Variants in HIVEP3 observed in about 807,000 individuals in gnomAD.
HIVEP3 encodes transcription factor HIVEP3.
HIVEP3 carries 49 observed loss-of-function variants against 152.8 expected under a neutral mutation model. That is an observed-to-expected ratio of 0.32 (90% CI 0.26 to 0.41). The LOEUF (loss-of-function observed/expected upper bound fraction) is 0.41, where lower values mean the gene tolerates loss of function less well. Among genes scored for constraint, HIVEP3 ranks in the 10% least tolerant of loss-of-function variants. The probability of loss-of-function intolerance (pLI) is 1.00; values close to 1 mark genes in which losing one functional copy is unlikely to be tolerated. For synonymous variants in HIVEP3, 1,269 were observed against 1,289.0 expected (o/e 0.98, Z 0.33); for missense variants, 2,790 against 3,103.3 (o/e 0.90, Z 2.40).
intron 1 of HIVEP3, among the ~76,000 whole-genome samples, chr1:41,990,460 A>G (rs1570872835): frequency 6.7e-6 from 1 of 148,464 alleles, no homozygotes; most frequent in East Asian, 2.0e-4. Flanking sequence ...ACTATCCTAA[A>G]TATATATGCA....
At chr1:41,963,524 G>T (rs186652038) in intron 1 of HIVEP3, among the ~76,000 whole-genome samples, 3 of 151,234 alleles carry the variant, frequency 2.0e-5, no homozygotes, top group Admixed American at 6.6e-5. Flanking sequence ...GTTGTGGGGT[G>T]GGGGGAGCGG....
chr1:41,699,652 C>T (rs571956332), intron 2 of HIVEP3, among the ~76,000 whole-genome samples: 12 of 152,124 alleles, frequency 7.9e-5, no homozygotes, highest in Admixed American at 3.3e-4. Flanking sequence ...GATGGGGCCC[C>T]GGGGACCTGA....
chr1:41,848,641 C>T (rs1408417023), intron 1 of HIVEP3, among the ~76,000 whole-genome samples: 1 of 152,116 alleles, frequency 6.6e-6, no homozygotes, highest in Non-Finnish European at 1.5e-5. Context: ...AGGAATGGCC[C>T]AACATCCTCA....
intron 2 of HIVEP3, among the ~76,000 whole-genome samples, chr1:41,671,475 T>C (rs999716753): frequency 2.0e-5 from 3 of 152,200 alleles, no homozygotes; most frequent in African/African-American, 4.8e-5. Context: ...AGCTGACCAA[T>C]AGGCCCTGCC....
At chr1:41,824,786 GA>G (rs1642738405) in intron 1 of HIVEP3, among the ~76,000 whole-genome samples, 1 of 14,858 alleles carries the variant, frequency 6.7e-5, no homozygotes, top group Non-Finnish European at 1.5e-4. Flanking sequence ...TATATATATA[GA>G]GAGAGAGAGA....
At chr1:41,877,841 C>G (rs1644195018) in intron 1 of HIVEP3, among the ~76,000 whole-genome samples, 1 of 152,144 alleles carries the variant, frequency 6.6e-6, no homozygotes, top group African/African-American at 2.4e-5. Flanking sequence ...TTTCTGACTA[C>G]AGACTCAACA....
At chr1:41,870,217 G>A (rs1644054419) in intron 1 of HIVEP3, among the ~76,000 whole-genome samples, 1 of 151,956 alleles carries the variant, frequency 6.6e-6, no homozygotes, top group Non-Finnish European at 1.5e-5. Context: ...TCATGCCTCA[G>A]ACCTTAGCTG....
chr1:41,570,773 A>T (rs940170341), intron 5 of HIVEP3, among the ~76,000 whole-genome samples: 1 of 152,198 alleles, frequency 6.6e-6, no homozygotes, highest in Admixed American at 6.5e-5. Context: ...GGTGAGGGTC[A>T]TCATTGACTT....
At chr1:41,617,680 C>A (rs550334167) in intron 3 of HIVEP3, among the ~76,000 whole-genome samples, 1 of 152,238 alleles carries the variant, frequency 6.6e-6, no homozygotes, top group Non-Finnish European at 1.5e-5. Flanking sequence ...CCATGATGCA[C>A]GGGAGAGAAC....
intron 3 of HIVEP3, among the ~76,000 whole-genome samples, chr1:41,611,411 G>C (rs1644894787): frequency 6.6e-6 from 1 of 152,240 alleles, no homozygotes; most frequent in Non-Finnish European, 1.5e-5. Flanking sequence ...GATGGGGACA[G>C]AGCGCCATGT....
intron 1 of HIVEP3, 83 bp from the exon 2 acceptor site, chr1:41,701,078 T>C: frequency 1.8e-6 from 1 of 545,866 alleles, no homozygotes; most frequent in Non-Finnish European, 2.3e-6. Context: ...CACCCAAAAA[T>C]GGTGAGCACA....
Position 41,602,922 on chromosome 1 carries a change from C to T in HIVEP3, c.-521-17604G>A, listed in dbSNP as rs916989550. ...TTTTGGTATGTTGTGTTTTTGTTTT[C>T]ATTTCTCTTGAGGTATTTTCTAATT... On this transcript the variant is annotated intron_variant, in intron 3 of 8. Coordinates refer to ENST00000372583, the MANE Select transcript of HIVEP3 (RefSeq NM_024503.5). Among the ~76,000 whole-genome samples the T allele has an allele frequency of 6.6e-5, 10 of 151,936 alleles. No individual in the cohort carries two copies. The East Asian group carries it at 1.9e-3, about 29-fold the overall frequency.
intron 1 of HIVEP3, among the ~76,000 whole-genome samples, chr1:41,868,503 C>A (rs1433800991): frequency 6.6e-6 from 1 of 152,180 alleles, no homozygotes; most frequent in Non-Finnish European, 1.5e-5. Context: ...AACAGATACA[C>A]CCCTGGAGAC....
intron 1 of HIVEP3, among the ~76,000 whole-genome samples, chr1:41,809,710 C>T (rs892630151): frequency 6.6e-6 from 1 of 152,194 alleles, no homozygotes; most frequent in Non-Finnish European, 1.5e-5. Context: ...ATGATCTAGG[C>T]CATATGGTTG....
chr1:41,523,279 C>T (rs1181046868), intron 6 of HIVEP3, among the ~76,000 whole-genome samples: 1 of 152,182 alleles, frequency 6.6e-6, no homozygotes, highest in Non-Finnish European at 1.5e-5. Flanking sequence ...AAGACACCTT[C>T]GAAGCACCCA....
chr1:41,536,606 C>T (rs1364309601), intron 5 of HIVEP3, among the ~76,000 whole-genome samples: 1 of 152,056 alleles, frequency 6.6e-6, no homozygotes, highest in Non-Finnish European at 1.5e-5. Context: ...AGGGCATATC[C>T]CTCTCTGAAG....
chr1:41,829,059 T>C (rs2124353632), intron 1 of HIVEP3, among the ~76,000 whole-genome samples: 1 of 150,834 alleles, frequency 6.6e-6, no homozygotes, highest in East Asian at 2.0e-4. Context: ...GCCACCCCTC[T>C]CCCACCCCAC....
At chr1:41,817,162 T>A (rs1158719724) in intron 1 of HIVEP3, among the ~76,000 whole-genome samples, 3 of 152,240 alleles carry the variant, frequency 2.0e-5, no homozygotes, top group African/African-American at 7.2e-5. Context: ...CGCTGCTGGC[T>A]GAGTAAGGTT....
intron 1 of HIVEP3, among the ~76,000 whole-genome samples, chr1:42,027,297 C>A (rs1032803910): frequency 6.6e-6 from 1 of 152,124 alleles, no homozygotes; most frequent in Non-Finnish European, 1.5e-5. Flanking sequence ...TCTTTTAGTC[C>A]AAGCCACAAC....
Sources: gnomAD v4.1 joint callset for allele counts (sites outside exome capture counted in the v4.1 genomes callset) on GRCh38, gnomAD v4.1.1 for gene constraint, MANE v1.5 for transcripts, NCBI Gene and HGNC (gene_info 2026-07-23, HGNC 2026-07-21) for gene names.